NR3C1: variants seen among roughly 807,000 people sequenced by gnomAD.
The protein encoded by NR3C1 is glucocorticoid receptor.
In NR3C1, 14 loss-of-function variants were observed where a neutral mutation model predicts 74.0. The observed-to-expected ratio is 0.19, with a 90% CI of 0.12 to 0.30. NR3C1 has a LOEUF of 0.30. Ranked by LOEUF, NR3C1 falls within the 10% of genes least tolerant of loss-of-function variation. The pLI, the probability that NR3C1 is intolerant of heterozygous loss-of-function variation, is 1.00. For synonymous variants in NR3C1, 308 were observed against 332.5 expected, an observed-to-expected ratio of 0.93 and a Z score of 0.80; for missense variants, 695 against 909.8, an observed-to-expected ratio of 0.76 and a Z score of 3.04.
At chr5:143,358,511 A>G (rs994600746) in intron 2 of NR3C1, among the ~76,000 whole-genome samples, 4 of 152,244 alleles carry the variant, frequency 2.6e-5, no homozygotes, top group South Asian at 4.1e-4. Context: ...AATTCCAAAC[A>G]TAAGAGCCTC....
At chr5:143,398,355 G>GGT (rs1554100278) in intron 2 of NR3C1, among the ~76,000 whole-genome samples, 41,003 of 133,594 alleles carry the variant, frequency 0.31, 6,746 homozygotes, top group Middle Eastern at 0.52. Context: ...AAGGTTTTTT[G>GGT]GTTTTTTTTT....
chr5:143,353,944 C>G (rs1280176222), intron 2 of NR3C1, among the ~76,000 whole-genome samples: 1 of 152,222 alleles, frequency 6.6e-6, no homozygotes, highest in Non-Finnish European at 1.5e-5. Context: ...AAGGCTTTTT[C>G]ATCTACATGG....
At chr5:143,319,307 T>C (rs1599903521) in intron 2 of NR3C1, among the ~76,000 whole-genome samples, 1 of 151,998 alleles carries the variant, frequency 6.6e-6, no homozygotes, top group South Asian at 2.1e-4. Flanking sequence ...AGGGGCAGAG[T>C]TGGTAAACTA....
chr5:143,357,496 G>T (rs1286588416), intron 2 of NR3C1, among the ~76,000 whole-genome samples: 1 of 152,148 alleles, frequency 6.6e-6, no homozygotes, highest in Non-Finnish European at 1.5e-5. Context: ...CATTTAAAAA[G>T]AATTCTGTAA....
At chr5:143,323,036 A>G (rs976962072) in intron 2 of NR3C1, among the ~76,000 whole-genome samples, 4 of 152,196 alleles carry the variant, frequency 2.6e-5, no homozygotes, top group Non-Finnish European at 4.4e-5. Flanking sequence ...GCAGTCAACC[A>G]CAGTTTGAAA....
intron 7 of NR3C1, among the ~76,000 whole-genome samples, chr5:143,293,390 G>A (rs1422338343): frequency 6.6e-6 from 1 of 152,182 alleles, no homozygotes. Context: ...GGGAGGGGAT[G>A]AGGGATGAAA....
intron 2 of NR3C1, among the ~76,000 whole-genome samples, chr5:143,339,240 TA>T (rs139905104): frequency 0.15 from 22,276 of 151,366 alleles, 1,806 homozygotes; most frequent in African/African-American, 0.17. Context: ...TGTTTCACAG[TA>T]AAAAAAAATG....
intron 1 of NR3C1, among the ~76,000 whole-genome samples, chr5:143,411,399 T>C (rs1026593155): frequency 3.9e-5 from 6 of 152,240 alleles, no homozygotes; most frequent in Non-Finnish European, 5.9e-5. Flanking sequence ...ACTTCTGTCA[T>C]TAATGAACGA....
At chr5:143,375,260 A>G (rs530241201) in intron 2 of NR3C1, among the ~76,000 whole-genome samples, 2 of 152,370 alleles carry the variant, frequency 1.3e-5, no homozygotes, top group South Asian at 4.1e-4. Context: ...GCTTCTGAAA[A>G]TACTTAAGAC....
In NR3C1 at chr5:143,289,018, G is replaced by A. The variant is rs1261341261; in HGVS notation, c.2024-6293C>T. 6.2e-5 allele frequency among the ~76,000 whole-genome samples: 9 copies of A among 144,836 alleles called. No homozygotes were observed. The East Asian group carries it at 1.7e-3, about 27-fold the overall frequency. On this transcript the variant is annotated intron_variant, in intron 7 of 8. Coordinates refer to ENST00000394464, the MANE Select transcript of NR3C1 (RefSeq NM_000176.3). ...GCTGGGGAGGCTGAGGCTGCGATGA[G>A]CCAAGATCATGCCACTGCACTCCAG... is the stretch of plus-strand genomic sequence containing the variant.
chr5:143,339,285 T>C (rs1237394808), intron 2 of NR3C1, among the ~76,000 whole-genome samples: 2 of 152,190 alleles, frequency 1.3e-5, no homozygotes, highest in Non-Finnish European at 2.9e-5. Flanking sequence ...AAGAAACAGA[T>C]AGCATGACCT....
intron 2 of NR3C1, among the ~76,000 whole-genome samples, chr5:143,385,695 C>A (rs1837073411): frequency 6.6e-6 from 1 of 152,220 alleles, no homozygotes. Flanking sequence ...ATAAGTGCCT[C>A]ATCTCCACCT....
chr5:143,435,300 C>T lies in NR3C1; in HGVS notation c.-782G>A, dbSNP rs148648056. On this transcript the variant is annotated 5_prime_UTR_variant, in exon 1 of 9. Coordinates refer to the NR3C1 transcript ENST00000343796. Reference sequence around the variant, plus strand: ...CCTGCAGGGCTTGAAAGATTTCTGACCTTCTAAGGTCCAGTGATTTGGTAT... The same window carrying T: ...CCTGCAGGGCTTGAAAGATTTCTGATCTTCTAAGGTCCAGTGATTTGGTAT... 3.5e-5 allele frequency: 34 copies of T among 985,402 alleles called. No individual in the cohort carries two copies. The East Asian group carries it at 9.1e-4, about 26-fold the overall frequency. The allele number at this position is 985,402 out of a possible 1,614,324, so 61.0% of individuals were successfully genotyped here. A position where few individuals can be genotyped will look rare whatever the true frequency, so the allele number is the denominator to read the frequency against.
At chr5:143,282,776 TC>T (rs368393358) in intron 7 of NR3C1, 51 bp from the exon 8 acceptor site, 5 of 1,540,654 alleles carry the variant, frequency 3.2e-6, no homozygotes, top group Admixed American at 1.8e-5. Flanking sequence ...TCTTTTCTTT[TC>T]TTTTTTTTTT....
intron 4 of NR3C1, among the ~76,000 whole-genome samples, chr5:143,303,987 A>G (rs923258621): frequency 2.8e-4 from 43 of 152,194 alleles, no homozygotes; most frequent in Non-Finnish European, 1.5e-5. Flanking sequence ...CAAAAGCTGG[A>G]AGCATTCCCC....
Position 143,400,457 on chromosome 5 carries a change from T to A in NR3C1, c.383A>T (p.Asn128Ile). 1 of 1,614,148 alleles carries A rather than the reference T, an allele frequency of 6.2e-7. No individual in the cohort carries two copies. Among genetic ancestry groups the A allele is most frequent in the Non-Finnish European group, 8.5e-7 (1 of 1,180,022 alleles). The stretch of plus-strand genomic sequence containing the variant: ...TGGAACACTGGTCGACCTATTGAGG[T>A]TTGCAATGCTTTCTTCCAAAAGCTT... ...DLKLLEESIA[N>I]LNRSTSVPEN... The change falls in exon 2 of 9, where the codon AAC becomes ATC. Residue 128 changes from asparagine (N) to isoleucine (I), a missense_variant. This residue lies in a region of NR3C1 where 497 missense variants were observed against 489.5 expected (regional missense o/e 1.02). Transcript: ENST00000394464.
At chr5:143,337,347 T>C (rs1049178565) in intron 2 of NR3C1, among the ~76,000 whole-genome samples, 1 of 152,212 alleles carries the variant, frequency 6.6e-6, no homozygotes, top group Non-Finnish European at 1.5e-5. Flanking sequence ...AATTAAACAT[T>C]TGACAATAAG....
At chr5:143,398,957 C>A (rs765778919) in intron 2 of NR3C1, among the ~76,000 whole-genome samples, 41 of 152,210 alleles carry the variant, frequency 2.7e-4, no homozygotes, top group Admixed American at 1.7e-3. Context: ...AACATTTGAA[C>A]GTAAAATTTT....
intron 4 of NR3C1, among the ~76,000 whole-genome samples, chr5:143,303,265 T>C (rs1818879070): frequency 6.6e-6 from 1 of 151,792 alleles, no homozygotes; most frequent in Non-Finnish European, 1.5e-5. Flanking sequence ...GGGTGGAGTT[T>C]ACTATGAAAG....
Sources: gnomAD v4.1 joint callset for allele counts (sites outside exome capture counted in the v4.1 genomes callset) on GRCh38, gnomAD v4.1.1 for gene constraint, gnomAD v4.1.1 regional missense constraint, MANE v1.5 for transcripts, NCBI Gene and HGNC (gene_info 2026-07-23, HGNC 2026-07-21) for gene names.